Variants in TBC1D16 observed in about 807,000 individuals in gnomAD.
The protein encoded by TBC1D16 is CTD-2529O21.1.
Under a neutral mutation model 74.7 loss-of-function variants are expected in TBC1D16, and 58 were observed. The ratio of observed to expected loss-of-function variants is 0.78; its 90% CI spans 0.63 to 0.97. The LOEUF is 0.97. Ranked by LOEUF, TBC1D16 falls within the 50% of genes least tolerant of loss-of-function variation. The pLI is 0.00. For missense variants in TBC1D16, 1,014 were observed against 1,079.5 expected, an observed-to-expected ratio of 0.94 and a Z score of 0.85; for synonymous variants, 493 against 474.7, an observed-to-expected ratio of 1.04 and a Z score of -0.50.
chr17:79,944,073 T>C lies in TBC1D16; in HGVS notation c.1908+835A>G. 6.5e-7 allele frequency: 1 copy of C among 1,535,978 alleles called. No homozygotes were observed. The highest frequency in any genetic ancestry group is 8.7e-7 in the Non-Finnish European group (1 of 1,146,834). On this transcript the variant is annotated intron_variant, in intron 10 of 11. Coordinates refer to ENST00000310924, the MANE Select transcript of TBC1D16 (RefSeq NM_019020.4). This position sits in a 1 kb window ranked among gnomAD's most constrained non-coding sequence, Gnocchi z 7.7. ...GGCGGCGTGTGGTACCGGCACTCGG[T>C]GGCTTCAGACTCGCTTTCATCAGAC...
intron 3 of TBC1D16, among the ~76,000 whole-genome samples, chr17:79,965,167 C>A (rs2033786723): frequency 6.6e-6 from 1 of 151,984 alleles, no homozygotes; most frequent in Admixed American, 6.6e-5. Flanking sequence ...GCAGCCTCCG[C>A]CTCCCAGGTT....
At chr17:80,031,278 G>A (rs1486355140) in intron 1 of TBC1D16, among the ~76,000 whole-genome samples, 1 of 152,250 alleles carries the variant, frequency 6.6e-6, no homozygotes, top group Non-Finnish European at 1.5e-5. Context: ...TCAAGTTACA[G>A]GATGAATTGA....
chr17:79,985,171 A>G lies in TBC1D16; in HGVS notation c.779+24989T>C, dbSNP rs945447217. On this transcript the variant is annotated intron_variant, in intron 3 of 11. Transcript: ENST00000310924. This position sits in a 1 kb window ranked among gnomAD's most constrained non-coding sequence, Gnocchi z 4.9. Reference sequence around the variant, plus strand: ...TCGTCCTGGATCCTGGAAGCCCCCAAGCCTGCAGCAGCATCACTCCCATCT... The same window carrying G: ...TCGTCCTGGATCCTGGAAGCCCCCAGGCCTGCAGCAGCATCACTCCCATCT... Among the ~76,000 whole-genome samples, 2 of 151,934 alleles carry G rather than the reference A, an allele frequency of 1.3e-5. No individual in the cohort carries two copies. Among genetic ancestry groups the G allele is most frequent in the African/African-American group, 2.4e-5 (1 of 41,338 alleles).
At chr17:80,004,521 G>C (rs1184506250) in intron 3 of TBC1D16, among the ~76,000 whole-genome samples, 2 of 152,202 alleles carry the variant, frequency 1.3e-5, no homozygotes, top group South Asian at 4.1e-4. Flanking sequence ...GGGTTCGTGA[G>C]CCCAGGTTTG....
At chr17:79,964,143 T>C (rs942441357) in intron 3 of TBC1D16, among the ~76,000 whole-genome samples, 15 of 152,244 alleles carry the variant, frequency 9.9e-5, no homozygotes, top group South Asian at 4.1e-4. Context: ...GCCCAGCTAA[T>C]TTTTGTATTT....
At chr17:79,948,558 G>A (rs1236790950) in intron 8 of TBC1D16, among the ~76,000 whole-genome samples, 1 of 152,276 alleles carries the variant, frequency 6.6e-6, no homozygotes, top group Non-Finnish European at 1.5e-5. Flanking sequence ...GACCACCCAC[G>A]GGGAGATGGA....
Position 79,950,617 on chromosome 17 carries a change from G to A in TBC1D16, c.1090-39C>T, listed in dbSNP as rs745732970. The A allele has an allele frequency of 8.8e-6, 14 of 1,598,944 alleles. No homozygotes were observed. The highest frequency in any genetic ancestry group is 1.2e-5 in the Non-Finnish European group (14 of 1,172,920). On this transcript the variant is annotated intron_variant, in intron 5 of 11. Transcript: ENST00000310924. This position sits in a 1 kb window ranked among gnomAD's most constrained non-coding sequence, Gnocchi z 4.6. The stretch of plus-strand genomic sequence containing the variant: ...AAACTGGGCAAAGGTCAGGATCTCA[G>A]CCGCGCGGCTTCAGAGGCCAGCAGT...
intron 3 of TBC1D16, among the ~76,000 whole-genome samples, chr17:80,003,012 T>G (rs1159663831): frequency 6.6e-6 from 1 of 152,100 alleles, no homozygotes; most frequent in Non-Finnish European, 1.5e-5. Flanking sequence ...GCAGGTGGGC[T>G]GGGGATTCAG....
At position 80,007,972 on chromosome 17, in the gene TBC1D16, G is replaced by A. The variant is rs140434913; in HGVS notation, c.779+2188C>T. 0.011 allele frequency among the ~76,000 whole-genome samples: 1,640 copies of A among 151,722 alleles called. 17 individuals are homozygous for A. The highest frequency in any genetic ancestry group is 0.034 in the Middle Eastern group (10 of 294). ...GGCTTCCAGAGTGAGTGCACAGCAC[G>A]CCTGTCCGCTGCCCACTGATGCCAA... On this transcript the variant is annotated intron_variant, in intron 3 of 11. Coordinates refer to ENST00000310924, the MANE Select transcript of TBC1D16 (RefSeq NM_019020.4). The surrounding 1 kb of genome is among the most constrained non-coding windows in gnomAD (Gnocchi z 4.5).
rs2032287554 is a variant in TBC1D16 at position 79,944,077 on chromosome 17, T to G, written c.1908+831A>C. ...GCGTGTGGTACCGGCACTCGGTGGC[T>G]TCAGACTCGCTTTCATCAGACATCA... On this transcript the variant is annotated intron_variant, in intron 10 of 11. Transcript: ENST00000310924. This position sits in a 1 kb window ranked among gnomAD's most constrained non-coding sequence, Gnocchi z 7.7. 6.5e-7 allele frequency: 1 copy of G among 1,535,846 alleles called. No homozygotes were observed. Among genetic ancestry groups the G allele is most frequent in the African/African-American group, 1.4e-5 (1 of 73,014 alleles).
chr17:79,999,533 CTTTTTT>C (rs71163906), intron 3 of TBC1D16, among the ~76,000 whole-genome samples: 256 of 76,402 alleles, frequency 3.4e-3, no homozygotes, highest in Non-Finnish European at 4.7e-3. Context: ...CCCCAAATTT[CTTTTTT>C]TTTTTTTTTT....
chr17:80,023,319 C>G (rs534451126), intron 1 of TBC1D16, among the ~76,000 whole-genome samples: 18 of 149,992 alleles, frequency 1.2e-4, no homozygotes, highest in Admixed American at 3.3e-4. Context: ...AGGGGTATTG[C>G]GAACGGGCTC....
At position 79,936,681 on chromosome 17, in the gene TBC1D16, T is replaced by G. The variant is rs12601303; in HGVS notation, c.*4178A>C. On this transcript the variant is annotated 3_prime_UTR_variant, in exon 12 of 12. Transcript: ENST00000310924. ...TTCGGGGGAAATTAGCTTTCTAGTT[T>G]GGGGGCGGTTCCCTCTGACTGGAGA... The G allele has an allele frequency of 0.086, 13,072 of 152,284 alleles. 718 individuals are homozygous for G. The highest frequency in any genetic ancestry group is 0.19 in the East Asian group (989 of 5,162). The allele number at this position is 152,284 out of a possible 1,614,324, so 9.4% of individuals were successfully genotyped here.
chr17:79,943,708 G>T, intron 10 of TBC1D16: 2 of 659,814 alleles, frequency 3.0e-6, no homozygotes, highest in Non-Finnish European at 1.9e-6. Flanking sequence ...CCCACGTCAC[G>T]TGGGCCTCCC....
At chr17:79,955,017 C>A (rs188130651) in intron 3 of TBC1D16, among the ~76,000 whole-genome samples, 35 of 152,278 alleles carry the variant, frequency 2.3e-4, no homozygotes, top group African/African-American at 8.4e-4. Flanking sequence ...AGGGCCGGAG[C>A]CGATTTCAAA....
At chr17:80,019,446 C>CG (rs566906149) in intron 1 of TBC1D16, among the ~76,000 whole-genome samples, 3 of 144,134 alleles carry the variant, frequency 2.1e-5, no homozygotes, top group African/African-American at 5.5e-5. Flanking sequence ...ACAACCCCCC[C>CG]CCGCCCCTCC....
chr17:79,944,710 C>T lies in TBC1D16; in HGVS notation c.1908+198G>A, dbSNP rs565234308. Among the ~76,000 whole-genome samples the T allele has an allele frequency of 4.9e-3, 740 of 152,214 alleles. 7 individuals carry two copies. The highest frequency in any genetic ancestry group is 0.017 in the African/African-American group (693 of 41,518). On this transcript the variant is annotated intron_variant, in intron 10 of 11. Transcript: ENST00000310924. This position sits in a 1 kb window ranked among gnomAD's most constrained non-coding sequence, Gnocchi z 7.7. ...AGTGCAGTCAGCGGGCAATTTGCAT[C>T]GATTTCAGTGACTGGGGAGGCGAGC...
intron 3 of TBC1D16, among the ~76,000 whole-genome samples, chr17:79,970,448 C>A (rs2034039187): frequency 6.6e-6 from 1 of 152,206 alleles, no homozygotes. Context: ...TCACTATGCA[C>A]CCGCTCTCTC....
At position 79,961,860 on chromosome 17, in the gene TBC1D16, T is replaced by C. The variant is rs2033628401; in HGVS notation, c.780-9042A>G. Among the ~76,000 whole-genome samples the C allele has an allele frequency of 6.6e-6, 1 of 151,832 alleles. No homozygotes were observed. The highest frequency in any genetic ancestry group is 1.9e-4 in the East Asian group (1 of 5,188). The stretch of plus-strand genomic sequence containing the variant: ...CCTAGGCAAGAAGAGCAAAACTCCA[T>C]CTCAAAAAAATAAAAATAAAAATAA... On this transcript the variant is annotated intron_variant, in intron 3 of 11. Transcript: ENST00000310924. This position sits in a 1 kb window ranked among gnomAD's most constrained non-coding sequence, Gnocchi z 4.8.
Sources: gnomAD v4.1 joint callset for allele counts (sites outside exome capture counted in the v4.1 genomes callset) on GRCh38, gnomAD v4.1.1 for gene constraint, Gnocchi (gnomAD v3.1) non-coding constraint, MANE v1.5 for transcripts, NCBI Gene and HGNC (gene_info 2026-07-23, HGNC 2026-07-21) for gene names.